Variants in KITLG observed in about 807,000 individuals in gnomAD.
KITLG encodes the protein KIT ligand, also known as c-Kit ligand.
A neutral mutation model predicts 34.1 loss-of-function variants in KITLG; 13 were observed. That is an observed-to-expected ratio of 0.38 (90% CI 0.25 to 0.61). The LOEUF (loss-of-function observed/expected upper bound fraction) is 0.61. Among genes scored for constraint, KITLG ranks in the 20% least tolerant of loss-of-function variants. The pLI is 0.60. For missense variants in KITLG, 292 were observed against 318.9 expected, an observed-to-expected ratio of 0.92 and a Z score of 0.64; for synonymous variants, 110 against 104.0, an observed-to-expected ratio of 1.06 and a Z score of -0.35.
At chr12:88,537,630 T>C (rs190809425) in intron 2 of KITLG, among the ~76,000 whole-genome samples, 1 of 151,998 alleles carries the variant, frequency 6.6e-6, no homozygotes, top group Admixed American at 6.6e-5. Flanking sequence ...AAAATAATAG[T>C]TGAAAGTATA....
At chr12:88,574,284 C>T (rs1447198973) in intron 1 of KITLG, among the ~76,000 whole-genome samples, 1 of 95,170 alleles carries the variant, frequency 1.1e-5, no homozygotes, top group Non-Finnish European at 2.6e-5. Context: ...CTTCTGACTG[C>T]TAAAAGAAAA....
At chr12:88,512,866 G>A (rs1869326600) in intron 6 of KITLG, among the ~76,000 whole-genome samples, 1 of 151,752 alleles carries the variant, frequency 6.6e-6, no homozygotes, top group African/African-American at 2.4e-5. Context: ...TTTGTTGCCA[G>A]CAGATCTGTA....
chr12:88,541,467 T>G (rs1421027671), intron 2 of KITLG, among the ~76,000 whole-genome samples: 2 of 152,128 alleles, frequency 1.3e-5, no homozygotes, highest in Non-Finnish European at 2.9e-5. Context: ...AACAAAGTCG[T>G]CACAAACAAA....
At chr12:88,579,885 A>T (rs939758237) in intron 1 of KITLG, among the ~76,000 whole-genome samples, 2 of 152,226 alleles carry the variant, frequency 1.3e-5, no homozygotes, top group African/African-American at 4.8e-5. Context: ...CTGTTTCATA[A>T]TCTCCTGGAA....
intron 1 of KITLG, among the ~76,000 whole-genome samples, chr12:88,561,597 A>G (rs1397135353): frequency 6.6e-6 from 1 of 152,240 alleles, no homozygotes. Context: ...GGGAATATAT[A>G]AAACATGATC....
At chr12:88,505,763 A>C (rs1869032476) in intron 8 of KITLG, among the ~76,000 whole-genome samples, 2 of 152,172 alleles carry the variant, frequency 1.3e-5, no homozygotes, top group Non-Finnish European at 1.5e-5. Context: ...AGAGAAAATC[A>C]CTGAACGTAT....
intron 1 of KITLG, among the ~76,000 whole-genome samples, chr12:88,561,767 C>A (rs1268258438): frequency 6.6e-6 from 1 of 152,196 alleles, no homozygotes; most frequent in Non-Finnish European, 1.5e-5. Context: ...GCCACACTGG[C>A]CTCCTTTATG....
intron 1 of KITLG, among the ~76,000 whole-genome samples, chr12:88,558,038 A>G (rs1190994875): frequency 6.6e-6 from 1 of 152,194 alleles, no homozygotes; most frequent in Non-Finnish European, 1.5e-5. Context: ...AATCTCTAAA[A>G]TATTTTGAAC....
intron 6 of KITLG, among the ~76,000 whole-genome samples, chr12:88,512,051 G>A (rs899028256): frequency 3.3e-5 from 5 of 152,260 alleles, no homozygotes; most frequent in South Asian, 4.2e-4. Context: ...CCTAATCAGA[G>A]AGGAAGAAGT....
At chr12:88,567,478 T>G (rs1871482347) in intron 1 of KITLG, among the ~76,000 whole-genome samples, 1 of 152,214 alleles carries the variant, frequency 6.6e-6, no homozygotes, top group Admixed American at 6.5e-5. Flanking sequence ...CCTGAAGTAA[T>G]GGACTGATAA....
chr12:88,528,817 C>G (rs1224163714), intron 3 of KITLG, among the ~76,000 whole-genome samples: 1 of 152,064 alleles, frequency 6.6e-6, no homozygotes, highest in Admixed American at 6.6e-5. Flanking sequence ...CATGGGTGTT[C>G]TTTAAATATT....
At chr12:88,559,424 T>C (rs573982143) in intron 1 of KITLG, among the ~76,000 whole-genome samples, 2 of 152,332 alleles carry the variant, frequency 1.3e-5, no homozygotes, top group East Asian at 1.9e-4. Flanking sequence ...ATTTACAGAC[T>C]GTAGTGGACT....
chr12:88,531,839 T>C (rs894276734), intron 3 of KITLG, among the ~76,000 whole-genome samples: 1 of 151,964 alleles, frequency 6.6e-6, no homozygotes, highest in Non-Finnish European at 1.5e-5. Context: ...CAACCAAAGA[T>C]GGAAAATATT....
rs11428619 is a variant in KITLG, at chr12:88,532,513, C to CA, written c.130-11dup. The CA allele has an allele frequency of 0.13, 162,254 of 1,239,402 alleles. 2,098 individuals are homozygous for CA. Among genetic ancestry groups the CA allele is most frequent in the South Asian group, 0.14 (9,137 of 65,290 alleles). The allele number at this position is 1,239,402 out of a possible 1,614,324, so 76.8% of individuals were successfully genotyped here. A position where few individuals can be genotyped will look rare whatever the true frequency, so the allele number is the denominator to read the frequency against. ...TTGGAAGATTTGCCACCTACAGAGA[C>CA]AAAAAAAAAAATTCCATAAGAAAAT... is the stretch of plus-strand genomic sequence containing the variant. On this transcript the variant is annotated splice_polypyrimidine_tract_variant and intron_variant, in intron 2 of 9. Coordinates refer to ENST00000644744, the MANE Select transcript of KITLG (RefSeq NM_000899.5).
intron 3 of KITLG, among the ~76,000 whole-genome samples, chr12:88,528,255 C>G (rs1368558621): frequency 6.6e-6 from 1 of 152,192 alleles, no homozygotes; most frequent in African/African-American, 2.4e-5. Flanking sequence ...CTCTCTGGCT[C>G]TGACACTCCT....
intron 1 of KITLG, among the ~76,000 whole-genome samples, chr12:88,575,583 C>G (rs1175032504): frequency 6.6e-6 from 1 of 152,154 alleles, no homozygotes; most frequent in Non-Finnish European, 1.5e-5. Context: ...TCAATTGTTT[C>G]TATGAAACAG....
At chr12:88,566,381 G>A (rs1414693596) in intron 1 of KITLG, among the ~76,000 whole-genome samples, 1 of 152,190 alleles carries the variant, frequency 6.6e-6, no homozygotes, top group Non-Finnish European at 1.5e-5. Flanking sequence ...AGGGATACCA[G>A]TGTTAGACAA....
chr12:88,538,786 A>G (rs1870417969), intron 2 of KITLG, among the ~76,000 whole-genome samples: 1 of 152,182 alleles, frequency 6.6e-6, no homozygotes, highest in African/African-American at 2.4e-5. Flanking sequence ...TAATTGACGG[A>G]AAATTTTACC....
At chr12:88,555,960 C>G (rs932895495) in intron 1 of KITLG, among the ~76,000 whole-genome samples, 1 of 152,022 alleles carries the variant, frequency 6.6e-6, no homozygotes, top group African/African-American at 2.4e-5. Context: ...CCCTCAACTG[C>G]CCCCTGCCCC....
Sources: gnomAD v4.1 joint callset for allele counts (sites outside exome capture counted in the v4.1 genomes callset) on GRCh38, gnomAD v4.1.1 for gene constraint, MANE v1.5 for transcripts, NCBI Gene and HGNC (gene_info 2026-07-23, HGNC 2026-07-21) for gene names.